MGAT3: variants seen among roughly 807,000 people sequenced by gnomAD.
MGAT3 encodes the protein GlcNAc-T III.
Under a neutral mutation model 29.8 loss-of-function variants are expected in MGAT3, and 9 were observed. The ratio of observed to expected loss-of-function variants is 0.30; its 90% CI spans 0.18 to 0.53. The LOEUF is 0.53. Ranked by LOEUF, MGAT3 falls within the 20% of genes least tolerant of loss-of-function variation. MGAT3 has a pLI of 0.96. For missense variants in MGAT3, 557 were observed against 769.5 expected (o/e 0.72, Z 3.27); for synonymous variants, 397 against 348.9 (o/e 1.14, Z -1.54).
intron 1 of MGAT3, chr22:39,475,918 C>T (rs1928945740): frequency 6.6e-6 from 1 of 152,288 alleles, no homozygotes; most frequent in South Asian, 2.1e-4. Context: ...CACATACAGC[C>T]TGGGTAACAT....
intron 1 of MGAT3, among the ~76,000 whole-genome samples, chr22:39,471,049 T>C (rs1368183199): frequency 6.6e-6 from 1 of 152,022 alleles, no homozygotes; most frequent in Admixed American, 6.5e-5. Flanking sequence ...GCCCGGCTTT[T>C]CCTGGGCCTC....
intron 1 of MGAT3, among the ~76,000 whole-genome samples, chr22:39,467,345 G>A (rs569504994): frequency 6.6e-6 from 1 of 152,342 alleles, no homozygotes; most frequent in African/African-American, 2.4e-5. Context: ...GGGTGGGGAA[G>A]GGAATTTCTG....
At chr22:39,471,701 C>T (rs564454207) in intron 1 of MGAT3, among the ~76,000 whole-genome samples, 3 of 152,292 alleles carry the variant, frequency 2.0e-5, no homozygotes, top group Middle Eastern at 3.4e-3. Flanking sequence ...GAGGGCCTTT[C>T]GGCAGCCCTC....
intron 1 of MGAT3, among the ~76,000 whole-genome samples, chr22:39,462,299 C>T (rs752161171): frequency 5.3e-5 from 8 of 152,224 alleles, no homozygotes; most frequent in African/African-American, 1.2e-4. Context: ...AGTATCACGC[C>T]GGTGTCTTTG....
At chr22:39,478,592 C>A (rs1026916537) in intron 1 of MGAT3, among the ~76,000 whole-genome samples, 1 of 152,180 alleles carries the variant, frequency 6.6e-6, no homozygotes. Context: ...CTGGCCAGCA[C>A]GGGCAAGCTC....
chr22:39,460,013 G>A (rs1253173177), intron 1 of MGAT3, among the ~76,000 whole-genome samples: 1 of 152,216 alleles, frequency 6.6e-6, no homozygotes, highest in East Asian at 1.9e-4. Context: ...ATGCAATTCT[G>A]GGAAGACTAC....
rs1487483801 is a variant in MGAT3 at position 39,488,478 on chromosome 22, C to T, written c.1131C>T (p.Asp377=). 13 of 1,612,684 alleles carry T rather than the reference C, an allele frequency of 8.1e-6. No individual in the cohort carries two copies. The highest frequency in any genetic ancestry group is 1.3e-5 in the African/African-American group (1 of 74,930). The change falls in exon 2 of 2, where the codon GAC becomes GAT. Residue 377 remains aspartate, a synonymous_variant. Coordinates refer to ENST00000341184, the MANE Select transcript of MGAT3 (RefSeq NM_002409.5). Reference sequence around the variant, plus strand: ...TGCTGCAGGCAGTGTATGGGCTGGACGGCATCCGCCTGCGCCGCCGCCAGT... The same window carrying T: ...TGCTGCAGGCAGTGTATGGGCTGGATGGCATCCGCCTGCGCCGCCGCCAGT... ...VDMLQAVYGL[D]GIRLRRRQYY...
At chr22:39,471,891 A>G (rs1390230857) in intron 1 of MGAT3, among the ~76,000 whole-genome samples, 1 of 152,074 alleles carries the variant, frequency 6.6e-6, no homozygotes, top group East Asian at 1.9e-4. Context: ...CTTAGGGGAT[A>G]GCGTGGGGGA....
At position 39,488,696 on chromosome 22, in the gene MGAT3, G is replaced by A. The variant is rs1197032415; in HGVS notation, c.1349G>A (p.Arg450Gln). 1 of 1,613,866 alleles carries A rather than the reference G, an allele frequency of 6.2e-7. No homozygotes were observed. Among genetic ancestry groups the A allele is most frequent in the Non-Finnish European group, 8.5e-7 (1 of 1,180,018 alleles). ...CGCTGGGGTGACTACGAGGACAAGC[G>A]GGACCTGAACTACATCCGCGGCCTG... ...FPRWGDYEDK[R>Q]DLNYIRGLIR... Residue 450 changes from arginine (R) to glutamine (Q), a missense_variant, in exon 2 of 2, where the codon CGG becomes CAG. Physicochemically the swap from Arg to Gln is conservative, Grantham distance 43. This residue lies in a region of MGAT3 where 243 missense variants were observed against 444.0 expected (regional missense o/e 0.55). Transcript: ENST00000341184.
intron 1 of MGAT3, among the ~76,000 whole-genome samples, chr22:39,458,429 CTGGG>C (rs1928403543): frequency 6.6e-6 from 1 of 152,100 alleles, no homozygotes; most frequent in Admixed American, 6.5e-5. Context: ...CACTTCATTC[CTGGG>C]ACACACCAGT....
chr22:39,461,545 T>C (rs1928497545), intron 1 of MGAT3, among the ~76,000 whole-genome samples: 1 of 152,198 alleles, frequency 6.6e-6, no homozygotes, highest in Non-Finnish European at 1.5e-5. Context: ...CAATGAGAGC[T>C]CAGAGATGTG....
At chr22:39,473,457 T>G (rs1480376288) in intron 1 of MGAT3, among the ~76,000 whole-genome samples, 1 of 152,152 alleles carries the variant, frequency 6.6e-6, no homozygotes, top group Non-Finnish European at 1.5e-5. Context: ...ACTCCTACAA[T>G]AGCAGCATAA....
intron 1 of MGAT3, chr22:39,477,502 G>A (rs111240108): frequency 8.5e-5 from 13 of 152,150 alleles, no homozygotes; most frequent in African/African-American, 3.1e-4. Context: ...GGCATATTCA[G>A]GGGGTCATCT....
chr22:39,462,944 C>T (rs768407631), intron 1 of MGAT3, among the ~76,000 whole-genome samples: 2 of 152,130 alleles, frequency 1.3e-5, no homozygotes, highest in East Asian at 1.9e-4. Context: ...GACCTGTGCA[C>T]GTGCCAGGAC....
chr22:39,485,881 T>G lies in MGAT3; in HGVS notation c.-1-1466T>G, dbSNP rs150837476. Among the ~76,000 whole-genome samples, 954 of 152,340 alleles carry G rather than the reference T, an allele frequency of 6.3e-3. 12 individuals are homozygous for G. The highest frequency in any genetic ancestry group is 0.021 in the African/African-American group (889 of 41,574). On this transcript the variant is annotated intron_variant, in intron 1 of 1. Coordinates refer to ENST00000341184, the MANE Select transcript of MGAT3 (RefSeq NM_002409.5). Reference sequence around the variant, plus strand: ...CTCCATTCCACAGCCATAAACTGATTGATAAATTAAACTGTATAAATGAAT... The same window carrying G: ...CTCCATTCCACAGCCATAAACTGATGGATAAATTAAACTGTATAAATGAAT...
intron 1 of MGAT3, among the ~76,000 whole-genome samples, chr22:39,470,606 T>G (rs1205854214): frequency 6.6e-6 from 1 of 152,096 alleles, no homozygotes; most frequent in Non-Finnish European, 1.5e-5. Context: ...GGGAAGCTAG[T>G]GAGGACCTCG....
At chr22:39,463,341 C>A (rs1928549323) in intron 1 of MGAT3, among the ~76,000 whole-genome samples, 1 of 152,182 alleles carries the variant, frequency 6.6e-6, no homozygotes, top group Admixed American at 6.5e-5. Context: ...CCTATAGGAC[C>A]CTCAGAGAGC....
chr22:39,468,287 C>T (rs1411009507), intron 1 of MGAT3, among the ~76,000 whole-genome samples: 1 of 152,208 alleles, frequency 6.6e-6, no homozygotes, highest in Non-Finnish European at 1.5e-5. Context: ...GCCTTGTCAC[C>T]TCCCCAGGTC....
chr22:39,467,941 C>T (rs983057783), intron 1 of MGAT3, among the ~76,000 whole-genome samples: 7 of 151,732 alleles, frequency 4.6e-5, no homozygotes, highest in South Asian at 2.1e-4. Flanking sequence ...GCTCGGAGGC[C>T]GCCACCCTCA....
Sources: gnomAD v4.1 joint callset for allele counts (sites outside exome capture counted in the v4.1 genomes callset) on GRCh38, gnomAD v4.1.1 for gene constraint, gnomAD v4.1.1 regional missense constraint, MANE v1.5 for transcripts, NCBI Gene and HGNC (gene_info 2026-07-23, HGNC 2026-07-21) for gene names.